Variants in GLIS1 observed in about 807,000 individuals in gnomAD.
The protein encoded by GLIS1 is GLIS family zinc finger 1.
GLIS1 carries 24 observed loss-of-function variants against 63.8 expected under a neutral mutation model. The ratio of observed to expected loss-of-function variants is 0.38; its 90% CI spans 0.27 to 0.53. GLIS1 has a LOEUF of 0.53. Among genes scored for constraint, GLIS1 ranks in the 20% least tolerant of loss-of-function variants. The probability of loss-of-function intolerance (pLI) is 0.85; values close to 1 mark genes in which losing one functional copy is unlikely to be tolerated. For synonymous variants in GLIS1, 450 were observed against 482.5 expected, an observed-to-expected ratio of 0.93 and a Z score of 0.88; for missense variants, 1,036 against 1,074.1, an observed-to-expected ratio of 0.96 and a Z score of 0.50.
At chr1:53,682,460 C>T (rs989520938) in intron 2 of GLIS1, among the ~76,000 whole-genome samples, 1 of 152,270 alleles carries the variant, frequency 6.6e-6, no homozygotes, top group South Asian at 2.1e-4. Flanking sequence ...GAGGGCCTTC[C>T]TCTGCAGGTT....
intron 2 of GLIS1, among the ~76,000 whole-genome samples, chr1:53,601,934 G>A (rs990562877): frequency 1.3e-5 from 2 of 152,162 alleles, no homozygotes; most frequent in African/African-American, 2.4e-5. Flanking sequence ...TTTGCTTGCC[G>A]AGCACGTTCC....
At chr1:53,655,548 C>T (rs1319433006) in intron 2 of GLIS1, among the ~76,000 whole-genome samples, 1 of 152,120 alleles carries the variant, frequency 6.6e-6, no homozygotes, top group Non-Finnish European at 1.5e-5. Context: ...CAGAACAGTG[C>T]CTCACATGGA....
chr1:53,637,356 C>G (rs1645737025), intron 2 of GLIS1, among the ~76,000 whole-genome samples: 1 of 152,156 alleles, frequency 6.6e-6, no homozygotes, highest in South Asian at 2.1e-4. Flanking sequence ...GGAGGATACC[C>G]AGGGATGGGG....
At chr1:53,730,990 G>A (rs1646854197) in intron 2 of GLIS1, among the ~76,000 whole-genome samples, 1 of 152,184 alleles carries the variant, frequency 6.6e-6, no homozygotes, top group Non-Finnish European at 1.5e-5. Flanking sequence ...ACATGCTTGG[G>A]GAAGCACGTA....
chr1:53,702,719 G>A (rs1428623002), intron 2 of GLIS1, among the ~76,000 whole-genome samples: 3 of 152,248 alleles, frequency 2.0e-5, no homozygotes, highest in East Asian at 1.9e-4. Context: ...CGACTGTGTC[G>A]ACAAGGTCTG....
At chr1:53,620,820 C>T (rs1645535469) in intron 2 of GLIS1, among the ~76,000 whole-genome samples, 1 of 152,230 alleles carries the variant, frequency 6.6e-6, no homozygotes. Flanking sequence ...TGTTCTAGCT[C>T]TAATGCTGAT....
rs1007777644 is a variant in GLIS1 at position 53,612,969 on chromosome 1, C to T, written c.260-12691G>A. Among the ~76,000 whole-genome samples, 19 of 152,172 alleles carry T rather than the reference C, an allele frequency of 1.2e-4. 1 individual carries two copies. The highest frequency in any genetic ancestry group is 1.0e-3 in the Admixed American group (16 of 15,280). On this transcript the variant is annotated intron_variant, in intron 2 of 10. Transcript: ENST00000628545. ...GAGTAGCTGGAACTACAGGCACCCA[C>T]CACCACGTGCGGCTAATTTTTGCAT...
intron 2 of GLIS1, among the ~76,000 whole-genome samples, chr1:53,709,419 C>CATATAT (rs1389185484): frequency 4.8e-5 from 6 of 124,238 alleles, no homozygotes; most frequent in Non-Finnish European, 8.3e-5. Flanking sequence ...TATACACACA[C>CATATAT]ACACACACAC....
At chr1:53,618,127 C>T (rs574976964) in intron 2 of GLIS1, among the ~76,000 whole-genome samples, 1 of 152,364 alleles carries the variant, frequency 6.6e-6, no homozygotes, top group Admixed American at 6.5e-5. Context: ...GGGACCTCGG[C>T]AGGGACAGTC....
rs143207831 is a variant in GLIS1, at chr1:53,508,133, C to T, written c.2230+987G>A. 6.1e-3 allele frequency among the ~76,000 whole-genome samples: 871 copies of T among 142,950 alleles called. 5 individuals are homozygous for T. The highest frequency in any genetic ancestry group is 0.023 in the African/African-American group (834 of 36,990). 93.8% of individuals were successfully genotyped at this position (142,950 alleles called of 152,430 possible). On this transcript the variant is annotated intron_variant, in intron 10 of 10. Transcript: ENST00000628545. ...ACAATGTGCACACAGATGGGGTTCA[C>T]GGACATCCACATACACCTGGGGTAA...
At chr1:53,684,759 C>A (rs1187434030) in intron 2 of GLIS1, among the ~76,000 whole-genome samples, 1 of 152,254 alleles carries the variant, frequency 6.6e-6, no homozygotes, top group African/African-American at 2.4e-5. Flanking sequence ...TCCTCTCCTC[C>A]TGGCCAGCAG....
chr1:53,590,627 G>A (rs147597214), intron 4 of GLIS1, among the ~76,000 whole-genome samples: 256 of 152,298 alleles, frequency 1.7e-3, no homozygotes, highest in Admixed American at 2.4e-3. Flanking sequence ...TGGAGTCGTC[G>A]CGTCAGTATT....
At chr1:53,702,438 T>C (rs1314891030) in intron 2 of GLIS1, among the ~76,000 whole-genome samples, 2 of 152,244 alleles carry the variant, frequency 1.3e-5, no homozygotes, top group Non-Finnish European at 1.5e-5. Flanking sequence ...TCCCCCGGCA[T>C]CTGCCCCCGG....
intron 8 of GLIS1, among the ~76,000 whole-genome samples, chr1:53,514,286 C>A (rs1644327115): frequency 6.6e-6 from 1 of 152,166 alleles, no homozygotes; most frequent in Admixed American, 6.5e-5. Context: ...GAGTGAGGCC[C>A]CGAGGAGGCC....
chr1:53,517,093 A>G (rs1292696567), intron 7 of GLIS1, among the ~76,000 whole-genome samples: 1 of 152,148 alleles, frequency 6.6e-6, no homozygotes, highest in East Asian at 1.9e-4. Flanking sequence ...AATATTAACA[A>G]GTTGAATGAC....
intron 4 of GLIS1, among the ~76,000 whole-genome samples, chr1:53,552,664 C>T (rs964211291): frequency 9.8e-5 from 15 of 152,300 alleles, no homozygotes; most frequent in African/African-American, 3.1e-4. Context: ...CCAGCTGAAT[C>T]GGCTCGTGCC....
intron 2 of GLIS1, among the ~76,000 whole-genome samples, chr1:53,682,134 C>T (rs1646282237): frequency 6.6e-6 from 1 of 152,208 alleles, no homozygotes; most frequent in Non-Finnish European, 1.5e-5. Context: ...CCGCACCAGC[C>T]CTGCACAGAT....
At chr1:53,605,336 G>A (rs1645359298) in intron 2 of GLIS1, among the ~76,000 whole-genome samples, 1 of 152,264 alleles carries the variant, frequency 6.6e-6, no homozygotes, top group Admixed American at 6.5e-5. Flanking sequence ...CATCCCATCA[G>A]GGTGGCCTGA....
At chr1:53,711,546 C>T (rs1240239213) in intron 2 of GLIS1, among the ~76,000 whole-genome samples, 1 of 152,164 alleles carries the variant, frequency 6.6e-6, no homozygotes, top group Non-Finnish European at 1.5e-5. Context: ...GCAGGGAGCT[C>T]GGGCCCCGGG....
Sources: gnomAD v4.1 joint callset for allele counts (sites outside exome capture counted in the v4.1 genomes callset) on GRCh38, gnomAD v4.1.1 for gene constraint, MANE v1.5 for transcripts, NCBI Gene and HGNC (gene_info 2026-07-23, HGNC 2026-07-21) for gene names.